HSPBP1: variants seen among roughly 807,000 people sequenced by gnomAD.
The protein encoded by HSPBP1 is hsp70-binding protein 1.
HSPBP1 carries 31 observed loss-of-function variants against 41.7 expected under a neutral mutation model. The ratio of observed to expected loss-of-function variants is 0.74; its 90% CI spans 0.56 to 1.00. The LOEUF (loss-of-function observed/expected upper bound fraction) is 1.00. Among genes scored for constraint, HSPBP1 ranks in the 50% least tolerant of loss-of-function variants. The pLI, the probability that HSPBP1 is intolerant of heterozygous loss-of-function variation, is 0.00. For synonymous variants in HSPBP1, 199 were observed against 214.4 expected (o/e 0.93, Z 0.63); for missense variants, 439 against 487.9 (o/e 0.90, Z 0.94).
chr19:55,264,627 T>G (rs1221277163), intron 7 of HSPBP1, among the ~76,000 whole-genome samples: 2 of 152,212 alleles, frequency 1.3e-5, no homozygotes, highest in Admixed American at 1.3e-4. Flanking sequence ...GTTAAATCAT[T>G]AAGACATTTG....
Position 55,268,081 on chromosome 19 carries a change from T to C in HSPBP1, c.641-1795A>G, listed in dbSNP as rs2087833032. Among the ~76,000 whole-genome samples, 1 of 152,214 alleles carries C rather than the reference T, an allele frequency of 6.6e-6. No individual in the cohort carries two copies. The highest frequency in any genetic ancestry group is 1.5e-5 in the Non-Finnish European group (1 of 68,038). On this transcript the variant is annotated intron_variant, in intron 4 of 7. Coordinates refer to ENST00000433386, the MANE Select transcript of HSPBP1 (RefSeq NM_012267.5). This position sits in a 1 kb window ranked among gnomAD's most constrained non-coding sequence, Gnocchi z 4.5. Reference sequence around the variant, plus strand: ...AAAAGAGTTGTTCATTTCATTTAAGTTCCATTCATTTAAACTTAAGGTGAA... The same window carrying C: ...AAAAGAGTTGTTCATTTCATTTAAGCTCCATTCATTTAAACTTAAGGTGAA...
In HSPBP1 at chr19:55,279,331, C is replaced by T. The variant is rs2088163521; in HGVS notation, c.210+68G>A. The T allele has an allele frequency of 2.1e-6, 3 of 1,415,596 alleles. No individual in the cohort carries two copies. The East Asian group carries it at 6.9e-5, about 33-fold the overall frequency. 87.7% of individuals were successfully genotyped at this position (1,415,596 alleles called of 1,614,324 possible). A position where few individuals can be genotyped will look rare whatever the true frequency, so the allele number is the denominator to read the frequency against. On this transcript the variant is annotated intron_variant, in intron 2 of 7. Coordinates refer to ENST00000433386, the MANE Select transcript of HSPBP1 (RefSeq NM_012267.5). ...AGTCTTCTTGTGGCTCCCCAAGTCA[C>T]ACTTCCCAAGGCAACTCTATCTGTC...
chr19:55,263,883 CA>C (rs372296675), intron 7 of HSPBP1, among the ~76,000 whole-genome samples: 5 of 151,888 alleles, frequency 3.3e-5, no homozygotes, highest in African/African-American at 1.2e-4. Flanking sequence ...AACCTATTCA[CA>C]AAGCATTAGT....
intron 6 of HSPBP1, 68 bp from the exon 7 acceptor site, chr19:55,265,457 C>T: frequency 8.6e-7 from 1 of 1,160,810 alleles, no homozygotes; most frequent in Non-Finnish European, 1.3e-6. Context: ...ACCCTATCGC[C>T]CGCCCCGTCC....
In HSPBP1 at chr19:55,272,764, G is replaced by A. The variant is rs1339060810; in HGVS notation, c.640+1634C>T. Among the ~76,000 whole-genome samples, 1 of 152,036 alleles carries A rather than the reference G, an allele frequency of 6.6e-6. No individual in the cohort carries two copies. Among genetic ancestry groups the A allele is most frequent in the Non-Finnish European group, 1.5e-5 (1 of 68,018 alleles). ...GCTGAGGCAGAACTGCTTGAACCTG[G>A]GAGGAGGAGGTTGTAGTGAGCCGAG... On this transcript the variant is annotated intron_variant, in intron 4 of 7. Coordinates refer to ENST00000433386, the MANE Select transcript of HSPBP1 (RefSeq NM_012267.5). The surrounding 1 kb of genome is among the most constrained non-coding windows in gnomAD (Gnocchi z 4.2).
intron 3 of HSPBP1, among the ~76,000 whole-genome samples, chr19:55,277,132 C>T (rs1412161660): frequency 1.3e-5 from 2 of 152,180 alleles, no homozygotes; most frequent in Admixed American, 6.5e-5. Flanking sequence ...TCCCCATCTG[C>T]GAGGCCCACC....
Position 55,279,401 on chromosome 19 carries a change from C to T in HSPBP1, c.208G>A (p.Glu70Lys). 6.3e-7 allele frequency: 1 copy of T among 1,589,422 alleles called. No individual in the cohort carries two copies. The highest frequency in any genetic ancestry group is 8.5e-7 in the Non-Finnish European group (1 of 1,174,026). The change falls in exon 2 of 8, where the codon GAG (glutamate) becomes AAG (lysine). Residue 70 changes from glutamate to lysine, a missense_variant and splice_region_variant. Transcript: ENST00000433386. The stretch of plus-strand genomic sequence containing the variant: ...CTTCTTGGGTCCCCATCCTTTACCT[C>T]CTCACTCATCGGTTCTGGAGGAGGG... ...PDPPPEPMSE[E>K]RRQWLQEAMS... is the part of the protein sequence containing the mutation.
chr19:55,265,448 C>A (rs1600131945), intron 6 of HSPBP1, 59 bp from the exon 7 acceptor site: 3 of 1,328,408 alleles, frequency 2.3e-6, no homozygotes, highest in Middle Eastern at 1.8e-4. Flanking sequence ...ACTGACCCAA[C>A]CCTATCGCCC....
At position 55,270,688 on chromosome 19, in the gene HSPBP1, C is replaced by T. The variant is rs138923658; in HGVS notation, c.640+3710G>A. On this transcript the variant is annotated intron_variant, in intron 4 of 7. Transcript: ENST00000433386. This position sits in a 1 kb window ranked among gnomAD's most constrained non-coding sequence, Gnocchi z 5.4. ...TGTGTCTGTGTGCACACATACCACA[C>T]ACGACACACTCCACATAAGCACACA... Among the ~76,000 whole-genome samples the T allele has an allele frequency of 1.3e-5, 2 of 152,160 alleles. No individual in the cohort carries two copies. Among genetic ancestry groups the T allele is most frequent in the South Asian group, 2.1e-4 (1 of 4,814 alleles).
Position 55,265,914 on chromosome 19 carries a change from G to A in HSPBP1, c.865C>T (p.His289Tyr). The change falls in exon 6 of 8, where the codon CAC becomes TAC. Residue 289 changes from histidine to tyrosine, a missense_variant. Transcript: ENST00000433386. ...CACAGGGCTCCAAGCACGTGCTCGT[G>A]GAAGGGGCTGTGCTCTGTCCGCACC... is the stretch of plus-strand genomic sequence containing the variant. ...ALVRTEHSPF[H>Y]EHVLGALCSL... is the part of the protein sequence containing the mutation. 1 of 1,608,236 alleles carries A rather than the reference G, an allele frequency of 6.2e-7. No homozygotes were observed. The highest frequency in any genetic ancestry group is 8.5e-7 in the Non-Finnish European group (1 of 1,178,304).
At chr19:55,277,873 A>G (rs201504123) in intron 2 of HSPBP1, 27 bp from the exon 3 acceptor site, 1 of 1,493,152 alleles carries the variant, frequency 6.7e-7, no homozygotes, top group Non-Finnish European at 8.9e-7. Flanking sequence ...GGAGGAAAGA[A>G]GGAGATCCAT....
Position 55,272,153 on chromosome 19 carries a change from C to T in HSPBP1, c.640+2245G>A, listed in dbSNP as rs1367243611. On this transcript the variant is annotated intron_variant, in intron 4 of 7. Coordinates refer to ENST00000433386, the MANE Select transcript of HSPBP1 (RefSeq NM_012267.5). This position sits in a 1 kb window ranked among gnomAD's most constrained non-coding sequence, Gnocchi z 4.2. ...CCCAGCAACTCCACTGCTAGGTATACACCCAAGAGAACGGAAAACAAATGT... is the reference window on the plus strand; with the variant it reads ...CCCAGCAACTCCACTGCTAGGTATATACCCAAGAGAACGGAAAACAAATGT... 6.6e-6 allele frequency among the ~76,000 whole-genome samples: 1 copy of T among 152,062 alleles called. No homozygotes were observed. The highest frequency in any genetic ancestry group is 2.4e-5 in the African/African-American group (1 of 41,416).
Position 55,274,539 on chromosome 19 carries a change from G to A in HSPBP1, c.499C>T (p.Gln167Ter), listed in dbSNP as rs1353077772. Residue 167 changes from glutamine (Q) to a stop codon, truncating the protein, a stop_gained, in exon 4 of 8, where the codon CAG (glutamine) becomes TAG (stop). Transcript: ENST00000433386. LOFTEE classifies it high-confidence loss of function. ...GAAGLRWRAA[Q>*]LIGTCSQNVA... ...TTCTGACTGCACGTGCCGATGAGCT[G>A]TGCCGCCCGCCACCGCAGTCCCGCA... 1.2e-6 allele frequency: 2 copies of A among 1,608,738 alleles called. No individual in the cohort carries two copies. Among genetic ancestry groups the A allele is most frequent in the Admixed American group, 3.3e-5 (2 of 59,874 alleles).
chr19:55,274,347 A>ACCCCCCCCCCCCCCCCCCCCCCCCCTTCC, intron 4 of HSPBP1, 51 bp downstream of exon 4: 1 of 325,718 alleles, frequency 3.1e-6, no homozygotes, highest in South Asian at 3.5e-5. Flanking sequence ...CCCACCCGGC[A>ACCCCCCCCCCCCCCCCCCCCCCCCCTTCC]CCCCCCCCCA....
intron 3 of HSPBP1, 124 bp downstream of exon 3, chr19:55,277,518 C>T (rs116815599): frequency 6.1e-6 from 6 of 988,854 alleles, no homozygotes; most frequent in Non-Finnish European, 6.2e-6. Flanking sequence ...TGGAGGCGAA[C>T]AGGCTGATGG....
chr19:55,266,190 A>T lies in HSPBP1; in HGVS notation c.737T>A (p.Leu246His), dbSNP rs1193527661. Residue 246 changes from leucine to histidine, a missense_variant, in exon 5 of 8, where the codon CTC becomes CAC. Coordinates refer to ENST00000433386, the MANE Select transcript of HSPBP1 (RefSeq NM_012267.5). ...CAGCAGGAATGCTGATTTGACCTTG[A>T]GCTTCTGCACCTGCTGCTGCATGGC... ...MRAMQQQVQK[L>H]KVKSAFLLQN... 6.3e-7 allele frequency: 1 copy of T among 1,588,884 alleles called. No individual in the cohort carries two copies. The highest frequency in any genetic ancestry group is 8.6e-7 in the Non-Finnish European group (1 of 1,167,748).
chr19:55,275,106 C>G (rs1389342524), intron 3 of HSPBP1, among the ~76,000 whole-genome samples: 1 of 152,194 alleles, frequency 6.6e-6, no homozygotes, highest in East Asian at 1.9e-4. Flanking sequence ...AAACACCCAA[C>G]CAGAGGTCCC....
intron 3 of HSPBP1, among the ~76,000 whole-genome samples, chr19:55,277,016 C>T (rs968001232): frequency 6.6e-6 from 1 of 152,156 alleles, no homozygotes; most frequent in Admixed American, 6.5e-5. Context: ...AGTGACACCC[C>T]AAATCCACAC....
In HSPBP1 at chr19:55,274,387, C is replaced by T. The variant is rs761932407; in HGVS notation, c.640+11G>A. The T allele has an allele frequency of 9.8e-6, 15 of 1,531,816 alleles. No homozygotes were observed. The highest frequency in any genetic ancestry group is 3.8e-5 in the Admixed American group (2 of 51,976). 94.9% of individuals were successfully genotyped at this position (1,531,816 alleles called of 1,614,324 possible). On this transcript the variant is annotated intron_variant, in intron 4 of 7. Transcript: ENST00000433386. ...CAGCACCCCTGTCCCCAGCCCCACC[C>T]GGACACTCACAGGAGATGGCGAAGA...
Sources: allele counts gnomAD v4.1 joint callset (sites outside exome capture counted in the v4.1 genomes callset), GRCh38; gene constraint gnomAD v4.1.1; non-coding constraint Gnocchi (gnomAD v3.1); transcripts MANE v1.5; gene names NCBI Gene and HGNC (gene_info 2026-07-23, HGNC 2026-07-21).